Variants in DPY30 observed in about 807,000 individuals in gnomAD.
DPY30 encodes dpy-30 histone methyltransferase complex regulatory subunit.
DPY30 carries 6 observed loss-of-function variants against 16.2 expected under a neutral mutation model. That is an observed-to-expected ratio of 0.37 (90% confidence interval 0.20 to 0.73). The LOEUF is 0.73. Among genes scored for constraint, DPY30 ranks in the 30% least tolerant of loss-of-function variants. DPY30 has a pLI of 0.51. For synonymous variants in DPY30, 39 were observed against 38.8 expected, an observed-to-expected ratio of 1.00 and a Z score of -0.02; for missense variants, 73 against 113.1, an observed-to-expected ratio of 0.65 and a Z score of 1.61.
intron 5 of DPY30, among the ~76,000 whole-genome samples, chr2:32,018,401 T>G (rs1158373656): frequency 6.6e-6 from 1 of 151,894 alleles, no homozygotes; most frequent in African/African-American, 2.4e-5. Flanking sequence ...AATCAAAAAA[T>G]TACCAAATTC....
intron 4 of DPY30, 111 bp from the exon 5 acceptor site, chr2:32,024,367 C>T (rs1558584515): frequency 2.6e-6 from 2 of 776,564 alleles, no homozygotes; most frequent in Non-Finnish European, 4.1e-6. Flanking sequence ...TTTCATTTCA[C>T]AGTCAAAGGA....
At chr2:32,015,421 C>T (rs1161836083) in intron 5 of DPY30, among the ~76,000 whole-genome samples, 1 of 152,096 alleles carries the variant, frequency 6.6e-6, no homozygotes, top group Non-Finnish European at 1.5e-5. Context: ...AGACTAAGTA[C>T]ATTAGATATT....
chr2:32,018,377 A>C (rs1675102176), intron 5 of DPY30, among the ~76,000 whole-genome samples: 1 of 152,212 alleles, frequency 6.6e-6, no homozygotes, highest in Non-Finnish European at 1.5e-5. Context: ...ACTCATACCC[A>C]AAGACAAGAC....
downstream of DPY30, among the ~76,000 whole-genome samples, chr2:32,022,344 A>G (rs1257520440): frequency 6.6e-6 from 1 of 152,126 alleles, no homozygotes; most frequent in Non-Finnish European, 1.5e-5. Context: ...AAACTACTAT[A>G]TAAGAAGATC....
intron 4 of DPY30, among the ~76,000 whole-genome samples, chr2:32,027,097 G>A (rs1374952266): frequency 1.3e-5 from 2 of 151,614 alleles, no homozygotes; most frequent in Non-Finnish European, 1.5e-5. Flanking sequence ...CCAACATGGT[G>A]AAACCCCATC....
intron 4 of DPY30, among the ~76,000 whole-genome samples, chr2:32,026,512 C>T (rs981831716): frequency 6.6e-6 from 1 of 152,096 alleles, no homozygotes. Flanking sequence ...ATTTGGAGGC[C>T]GAGTGTAATG....
At chr2:32,028,973 T>C (rs1456234453) in intron 4 of DPY30, among the ~76,000 whole-genome samples, 1 of 151,542 alleles carries the variant, frequency 6.6e-6, no homozygotes, top group African/African-American at 2.4e-5. Flanking sequence ...CAAAAAAAAA[T>C]AAGAATAATA....
chr2:32,030,758 C>T (rs1202727451), intron 3 of DPY30, among the ~76,000 whole-genome samples: 1 of 151,982 alleles, frequency 6.6e-6, no homozygotes, highest in East Asian at 1.9e-4. Flanking sequence ...GAGATCATGC[C>T]ACTGTACTCT....
At chr2:32,036,040 A>C (rs1675724311) in intron 3 of DPY30, among the ~76,000 whole-genome samples, 1 of 150,662 alleles carries the variant, frequency 6.6e-6, no homozygotes, top group South Asian at 2.1e-4. Context: ...CCTGCAGTGC[A>C]CTGGCATGAT....
chr2:32,027,291 C>T (rs2148659329), intron 4 of DPY30, among the ~76,000 whole-genome samples: 1 of 140,064 alleles, frequency 7.1e-6, no homozygotes, highest in Admixed American at 7.3e-5. Context: ...AAAAAAAAAC[C>T]AGCTGGGCAC....
intron 3 of DPY30, among the ~76,000 whole-genome samples, chr2:32,031,143 C>A (rs912868980): frequency 3.3e-5 from 5 of 152,128 alleles, no homozygotes; most frequent in Admixed American, 6.6e-5. Flanking sequence ...AATTTTGCGG[C>A]CAGGCACGGT....
rs10679637 is a variant in DPY30 at position 32,038,647 on chromosome 2, C to CTTTT, written c.84+628_84+631dup. On this transcript the variant is annotated intron_variant, in intron 3 of 4. Coordinates refer to ENST00000342166, the MANE Select transcript of DPY30 (RefSeq NM_001321209.2). ...ACAGGTTTCCTAATTTTATTTTTTA[C>CTTTT]TTTTTTTTTTTTTTTTTTTTGAGAC... Among the ~76,000 whole-genome samples the CTTTT allele has an allele frequency of 4.8e-4, 53 of 111,214 alleles. 1 individual carries two copies. The highest frequency in any genetic ancestry group is 5.5e-4 in the South Asian group (2 of 3,650). 73.0% of individuals were successfully genotyped at this position (111,214 alleles called of 152,430 possible).
At chr2:32,019,815 C>T (rs1265226136), downstream of DPY30, among the ~76,000 whole-genome samples, 4 of 119,188 alleles carry the variant, frequency 3.4e-5, no homozygotes, top group African/African-American at 6.6e-5. Flanking sequence ...AGCAAAACTC[C>T]GTCTCAAAAA....
At chr2:32,039,531 T>A in intron 1 of DPY30, 39 bp from the exon 2 acceptor site, 1 of 1,606,334 alleles carries the variant, frequency 6.2e-7, no homozygotes, top group Non-Finnish European at 8.5e-7. Flanking sequence ...CCTGGGAGAT[T>A]TCAACACGAA....
chr2:32,019,961 C>CATAT (rs201249564), downstream of DPY30, among the ~76,000 whole-genome samples: 476 of 146,538 alleles, frequency 3.2e-3, 4 homozygotes, highest in South Asian at 0.015. Context: ...AAAACATATA[C>CATAT]ATATATATAT....
intron 3 of DPY30, among the ~76,000 whole-genome samples, chr2:32,035,520 G>C (rs1675701705): frequency 6.6e-6 from 1 of 151,384 alleles, no homozygotes; most frequent in African/African-American, 2.4e-5. Context: ...AACCCAGGAA[G>C]CGGAGATTAT....
At chr2:32,017,962 T>C (rs1230880661) in intron 5 of DPY30, among the ~76,000 whole-genome samples, 1 of 152,204 alleles carries the variant, frequency 6.6e-6, no homozygotes, top group Non-Finnish European at 1.5e-5. Flanking sequence ...AGCTAGTCCA[T>C]GTCCACAATG....
At chr2:32,019,831 AAAAAATAT>A (rs1203894637), downstream of DPY30, among the ~76,000 whole-genome samples, 3 of 140,612 alleles carry the variant, frequency 2.1e-5, no homozygotes, top group African/African-American at 8.0e-5. Context: ...AAAAAAAAAA[AAAAAATAT>A]ATATATATAT....
In DPY30 at chr2:32,012,410, CTCTTT is replaced by C. The variant is rs376682745; in HGVS notation, n.378-363_378-359del. 2.6e-3 allele frequency among the ~76,000 whole-genome samples: 374 copies of C among 143,324 alleles called. 2 individuals are homozygous for C. The highest frequency in any genetic ancestry group is 4.2e-3 in the African/African-American group (163 of 39,066). 94.0% of individuals were successfully genotyped at this position (143,324 alleles called of 152,430 possible). ...GACATACCATGTATCCAAAACCTCT[CTCTTT>C]TTTCTTTTTTTTTTTTTTTTTTTTT... On this transcript the variant is annotated intron_variant and non_coding_transcript_variant, in intron 5 of 5. Coordinates refer to the DPY30 transcript ENST00000414013.
Sources: gnomAD v4.1 joint callset for allele counts (sites outside exome capture counted in the v4.1 genomes callset) on GRCh38, gnomAD v4.1.1 for gene constraint, MANE v1.5 for transcripts, NCBI Gene and HGNC (gene_info 2026-07-23, HGNC 2026-07-21) for gene names.